FAM78B: variants seen among roughly 807,000 people sequenced by gnomAD.
The protein encoded by FAM78B is family with sequence similarity 78 member B, also known as protein FAM78B.
Under a neutral mutation model 20.0 loss-of-function variants are expected in FAM78B, and 10 were observed. That is an observed-to-expected ratio of 0.50 (90% CI 0.31 to 0.85). FAM78B has a LOEUF of 0.85. Ranked by LOEUF, FAM78B falls within the 40% of genes least tolerant of loss-of-function variation. The probability of loss-of-function intolerance (pLI) is 0.05; values close to 1 mark genes in which losing one functional copy is unlikely to be tolerated. For missense variants in FAM78B, 283 were observed against 345.0 expected (o/e 0.82, Z 1.42); for synonymous variants, 135 against 132.8 (o/e 1.02, Z -0.12).
intron 1 of FAM78B, among the ~76,000 whole-genome samples, chr1:166,141,615 C>G (rs1210778741): frequency 6.6e-6 from 1 of 152,208 alleles, no homozygotes; most frequent in Non-Finnish European, 1.5e-5. Context: ...GCAAAGGAGG[C>G]ATGTTCATAC....
At chr1:166,084,884 G>C (rs79373356) in intron 1 of FAM78B, among the ~76,000 whole-genome samples, 1 of 152,214 alleles carries the variant, frequency 6.6e-6, no homozygotes, top group Non-Finnish European at 1.5e-5. Context: ...CTTGGTGCCT[G>C]TACCTGGAGT....
chr1:166,113,927 A>G (rs1242897211), intron 1 of FAM78B, among the ~76,000 whole-genome samples: 1 of 152,260 alleles, frequency 6.6e-6, no homozygotes, highest in African/African-American at 2.4e-5. Context: ...GGTGAAAACC[A>G]GTGAAGGTCA....
intron 1 of FAM78B, among the ~76,000 whole-genome samples, chr1:166,096,752 C>T (rs1348002045): frequency 6.6e-6 from 1 of 152,184 alleles, no homozygotes; most frequent in Non-Finnish European, 1.5e-5. Context: ...CTGCATCCCA[C>T]CCTAGGCTGA....
intron 1 of FAM78B, among the ~76,000 whole-genome samples, chr1:166,151,860 G>C (rs543111347): frequency 6.8e-4 from 104 of 152,236 alleles, no homozygotes; most frequent in Non-Finnish European, 1.2e-3. Context: ...CTCCCCTACT[G>C]TTCAACTTTG....
intron 1 of FAM78B, among the ~76,000 whole-genome samples, chr1:166,140,432 C>G (rs542437116): frequency 6.6e-6 from 1 of 152,314 alleles, no homozygotes; most frequent in South Asian, 2.1e-4. Flanking sequence ...ATCTGGGAAG[C>G]CAGACAACAG....
intron 1 of FAM78B, among the ~76,000 whole-genome samples, chr1:166,136,950 T>C (rs552568262): frequency 1.3e-5 from 2 of 152,184 alleles, no homozygotes; most frequent in African/African-American, 4.8e-5. Context: ...CTCATAACTA[T>C]CATGTGAGGT....
intron 1 of FAM78B, among the ~76,000 whole-genome samples, chr1:166,100,691 T>C (rs1653479083): frequency 6.6e-6 from 1 of 152,192 alleles, no homozygotes; most frequent in Non-Finnish European, 1.5e-5. Context: ...ACAAAGCAGC[T>C]GGAAAGCTCG....
intron 1 of FAM78B, among the ~76,000 whole-genome samples, chr1:166,103,589 A>G (rs915514288): frequency 6.6e-6 from 1 of 152,232 alleles, no homozygotes; most frequent in African/African-American, 2.4e-5. Context: ...ATGCAAATAA[A>G]CTAGAAAATC....
intron 1 of FAM78B, among the ~76,000 whole-genome samples, chr1:166,133,119 A>G (rs1416167204): frequency 6.6e-6 from 1 of 152,220 alleles, no homozygotes; most frequent in Non-Finnish European, 1.5e-5. Context: ...TGAGAATAGC[A>G]GAGTGGCCCT....
chr1:166,106,160 A>C (rs1302580866), intron 1 of FAM78B, among the ~76,000 whole-genome samples: 1 of 144,732 alleles, frequency 6.9e-6, no homozygotes, highest in Non-Finnish European at 1.5e-5. Flanking sequence ...GAACAGTGAG[A>C]ACACATGGAC....
chr1:166,060,962 G>A (rs913093185), intron 2 of FAM78B, among the ~76,000 whole-genome samples: 1 of 151,782 alleles, frequency 6.6e-6, no homozygotes, highest in African/African-American at 2.4e-5. Flanking sequence ...CCTCAGAAAT[G>A]GGGGGGAAGT....
At chr1:166,091,525 C>G (rs1168004307) in intron 1 of FAM78B, among the ~76,000 whole-genome samples, 2 of 152,176 alleles carry the variant, frequency 1.3e-5, no homozygotes, top group East Asian at 1.9e-4. Context: ...GCCTGTCCAG[C>G]CATATGGAAC....
chr1:166,120,738 G>A (rs10800193), intron 1 of FAM78B, among the ~76,000 whole-genome samples: 28,988 of 152,152 alleles, frequency 0.19, 3,187 homozygotes, highest in East Asian at 0.37. Context: ...AGGAGCTAAG[G>A]GCTGTCCCCA....
intron 1 of FAM78B, among the ~76,000 whole-genome samples, chr1:166,135,995 G>A (rs1423351570): frequency 6.6e-6 from 1 of 152,132 alleles, no homozygotes; most frequent in Non-Finnish European, 1.5e-5. Flanking sequence ...ATCCCCAGGG[G>A]TTCCTGCATT....
At chr1:166,151,467 G>A (rs1282014763) in intron 1 of FAM78B, among the ~76,000 whole-genome samples, 2 of 152,144 alleles carry the variant, frequency 1.3e-5, no homozygotes, top group Non-Finnish European at 2.9e-5. Context: ...AGCATCCAAG[G>A]AAGACTCTCC....
chr1:166,089,015 CT>C (rs1469642745), intron 1 of FAM78B, among the ~76,000 whole-genome samples: 2 of 152,168 alleles, frequency 1.3e-5, no homozygotes, highest in African/African-American at 2.4e-5. Flanking sequence ...CCTTATGGTC[CT>C]CCAACATGCC....
At chr1:166,154,648 C>A in intron 1 of FAM78B, 1 of 498,588 alleles carries the variant, frequency 2.0e-6, no homozygotes, top group Non-Finnish European at 4.2e-6. Flanking sequence ...GGGGCAGGGG[C>A]AGGCAGTGAT....
At position 166,166,242 on chromosome 1, in the gene FAM78B, A is replaced by T. The variant is rs1373480020; in HGVS notation, c.7T>A (p.Cys3Ser). ...GCCTTGCAGGTGATGCTTTGGATAC[A>T]GCCCATCCTGCAGCCCGGTGCCGGC... is the stretch of plus-strand genomic sequence containing the variant. MGCIQSITCKARI... is the reference protein window; with the variant it reads MGSIQSITCKARI... The change falls in exon 1 of 2, where the codon TGT (cysteine) becomes AGT (serine). Residue 3 changes from cysteine to serine, a missense_variant. By Grantham distance (112) the Cys-to-Ser change is moderately radical. Coordinates refer to ENST00000354422, the MANE Select transcript of FAM78B (RefSeq NM_001017961.5). The T allele has an allele frequency of 6.7e-7, 1 of 1,485,590 alleles. No individual in the cohort carries two copies. The highest frequency in any genetic ancestry group is 9.0e-7 in the Non-Finnish European group (1 of 1,110,440). 92.0% of individuals were successfully genotyped at this position (1,485,590 alleles called of 1,614,324 possible).
chr1:166,105,563 C>T (rs1183929975), intron 1 of FAM78B, among the ~76,000 whole-genome samples: 1 of 152,220 alleles, frequency 6.6e-6, no homozygotes, highest in African/African-American at 2.4e-5. Flanking sequence ...ACAGACACTT[C>T]TCAAAAGAAG....
Sources: allele counts gnomAD v4.1 joint callset (sites outside exome capture counted in the v4.1 genomes callset), GRCh38; gene constraint gnomAD v4.1.1; transcripts MANE v1.5; gene names NCBI Gene and HGNC (gene_info 2026-07-23, HGNC 2026-07-21).